Variants in LPIN2 observed in about 807,000 individuals in gnomAD.
LPIN2 encodes the protein lipin 2.
LPIN2 carries 55 observed loss-of-function variants against 111.4 expected under a neutral mutation model. The ratio of observed to expected loss-of-function variants is 0.49; its 90% CI spans 0.40 to 0.62. The LOEUF (loss-of-function observed/expected upper bound fraction) is 0.62, where lower values mean the gene tolerates loss of function less well. LPIN2 is among the 20% of genes least tolerant of loss of function. The pLI is 0.00. For synonymous variants in LPIN2, 425 were observed against 414.0 expected (o/e 1.03, Z -0.32); for missense variants, 992 against 1,112.1 (o/e 0.89, Z 1.54).
chr18:2,947,003 C>T (rs1371943240), intron 4 of LPIN2: 1 of 201,766 alleles, frequency 5.0e-6, no homozygotes, highest in East Asian at 1.4e-4. Flanking sequence ...AGTGTCTACA[C>T]TCACCCCAGA....
At chr18:2,994,120 C>T (rs961385664) in intron 1 of LPIN2, among the ~76,000 whole-genome samples, 3 of 152,194 alleles carry the variant, frequency 2.0e-5, no homozygotes, top group Non-Finnish European at 4.4e-5. Flanking sequence ...CATAAATGTA[C>T]GCCTATCATT....
rs2078161892 is a variant in LPIN2 at position 2,984,667 on chromosome 18, A to ACCTC, written c.-9-23819_-9-23818insGAGG. On this transcript the variant is annotated intron_variant, in intron 1 of 19. Coordinates refer to ENST00000677752, the MANE Select transcript of LPIN2 (RefSeq NM_001375808.2). ...TTCAACTGGATAGCAGGAGAAGGGGAAAACTGTAAGGAGGGTGGAAAGAAG... is the reference window on the plus strand; with the variant it reads ...TTCAACTGGATAGCAGGAGAAGGGGACCTCAAACTGTAAGGAGGGTGGAAAGAAG... 2.0e-5 allele frequency among the ~76,000 whole-genome samples: 3 copies of ACCTC among 152,136 alleles called. No individual in the cohort carries two copies. The East Asian group carries it at 5.8e-4, about 29-fold the overall frequency.
chr18:2,975,666 C>A (rs1044566000), intron 1 of LPIN2, among the ~76,000 whole-genome samples: 74 of 152,240 alleles, frequency 4.9e-4, no homozygotes, highest in African/African-American at 1.8e-3. Flanking sequence ...ACGTTATGAA[C>A]ATAAAAGTGT....
At chr18:2,955,437 A>G (rs1376751165) in intron 2 of LPIN2, among the ~76,000 whole-genome samples, 1 of 152,040 alleles carries the variant, frequency 6.6e-6, no homozygotes, top group Non-Finnish European at 1.5e-5. Flanking sequence ...GGATCTTGTC[A>G]ACTCAGCAAA....
chr18:2,965,022 C>T (rs540323783), intron 1 of LPIN2, among the ~76,000 whole-genome samples: 2 of 152,110 alleles, frequency 1.3e-5, no homozygotes, highest in Non-Finnish European at 2.9e-5. Context: ...GGCCTGACTG[C>T]TACACAGTGT....
chr18:2,979,098 C>G (rs1237804075), intron 1 of LPIN2: 4 of 152,462 alleles, frequency 2.6e-5, no homozygotes, highest in Non-Finnish European at 5.9e-5. Context: ...CTGCCTGGGC[C>G]TCCCAAAGTG....
At chr18:2,993,143 G>A (rs62077514) in intron 1 of LPIN2, among the ~76,000 whole-genome samples, 17,631 of 148,234 alleles carry the variant, frequency 0.12, 1,217 homozygotes, top group South Asian at 0.17. Flanking sequence ...AGACCCTGAC[G>A]GAGGAAGAAA....
chr18:2,926,785 T>C lies in LPIN2; in HGVS notation c.1731A>G (p.Gly577=). The change falls in exon 13 of 20, where the codon GGA becomes GGG. Residue 577 remains glycine (G), a synonymous_variant. Transcript: ENST00000677752. ...CACTGGCTGGCGGTGCCTCAGATTT[T>C]CCCTCCTTGGATTCTGGCAGCTGTA... ...MTKQLPESKE[G]KSEAPPASDL... 1 of 1,613,812 alleles carries C rather than the reference T, an allele frequency of 6.2e-7. No individual in the cohort carries two copies. The highest frequency in any genetic ancestry group is 1.1e-5 in the South Asian group (1 of 91,070).
At chr18:3,000,095 G>A (rs1362885968) in intron 1 of LPIN2, among the ~76,000 whole-genome samples, 4 of 135,510 alleles carry the variant, frequency 3.0e-5, no homozygotes, top group Non-Finnish European at 6.3e-5. Context: ...GAGGAAGAGG[G>A]GAAAGAGGGG....
intron 9 of LPIN2, 24 bp from the exon 10 acceptor site, chr18:2,929,182 T>A: frequency 7.1e-7 from 1 of 1,415,340 alleles, no homozygotes. Flanking sequence ...TAATAATCAA[T>A]TTGGTTAGAG....
chr18:2,923,874 T>G lies in LPIN2; in HGVS notation c.2088-13A>C, dbSNP rs377211849. The G allele has an allele frequency of 3.1e-6, 5 of 1,610,168 alleles. No individual in the cohort carries two copies. The highest frequency in any genetic ancestry group is 4.3e-6 in the Non-Finnish European group (5 of 1,176,448). ...CAAAGCATCCGACCTAAGAAGACGGTAGAAACAGGAAAAGCTATCAGGAAT... is the reference window on the plus strand; with the variant it reads ...CAAAGCATCCGACCTAAGAAGACGGGAGAAACAGGAAAAGCTATCAGGAAT... On this transcript the variant is annotated splice_polypyrimidine_tract_variant and intron_variant, in intron 15 of 19. Coordinates refer to ENST00000677752, the MANE Select transcript of LPIN2 (RefSeq NM_001375808.2).
At chr18:2,961,760 C>T (rs1275670600) in intron 1 of LPIN2, among the ~76,000 whole-genome samples, 1 of 152,126 alleles carries the variant, frequency 6.6e-6, no homozygotes, top group African/African-American at 2.4e-5. Flanking sequence ...TCATTAGATG[C>T]TGACACCCCT....
In LPIN2 at chr18:2,988,012, C is replaced by CAAAAAAAA. The variant is rs761121515; in HGVS notation, c.-10+25067_-10+25074dup. The stretch of plus-strand genomic sequence containing the variant: ...TGGGCGACAGAGTGAGAGACTGTCT[C>CAAAAAAAA]AAAAAAAAAAAAAAAAAAAAAAAAA... On this transcript the variant is annotated intron_variant, in intron 1 of 19. Transcript: ENST00000677752. Among the ~76,000 whole-genome samples the CAAAAAAAA allele has an allele frequency of 2.4e-3, 79 of 32,338 alleles. 2 individuals are homozygous for CAAAAAAAA. Among genetic ancestry groups the CAAAAAAAA allele is most frequent in the Non-Finnish European group, 3.8e-3 (60 of 15,602 alleles). 21.2% of individuals were successfully genotyped at this position (32,338 alleles called of 152,430 possible).
intron 1 of LPIN2, among the ~76,000 whole-genome samples, chr18:3,010,999 C>T (rs28417148): frequency 0.015 from 2,350 of 152,266 alleles, 60 homozygotes; most frequent in African/African-American, 0.054. Context: ...GGACAAACTG[C>T]CTGCTGCGTC....
chr18:2,994,301 AG>A (rs1188963606), intron 1 of LPIN2, among the ~76,000 whole-genome samples: 1 of 152,206 alleles, frequency 6.6e-6, no homozygotes, highest in Non-Finnish European at 1.5e-5. Context: ...ATTTAGCTAA[AG>A]GAACAGGTGG....
chr18:2,960,174 ATGTGTGTGTGTG>A (rs59457524), intron 2 of LPIN2, among the ~76,000 whole-genome samples: 2,556 of 136,610 alleles, frequency 0.019, 67 homozygotes, highest in African/African-American at 0.064. Context: ...CGACTCAAAA[ATGTGTGTGTGTG>A]TGTGTGTGTG....
chr18:2,921,324 C>T (rs866036008), intron 18 of LPIN2: 9 of 613,862 alleles, frequency 1.5e-5, no homozygotes, highest in Middle Eastern at 3.4e-4. Flanking sequence ...AAGCGTCCTT[C>T]GTATAAATTC....
At chr18:2,994,302 G>C (rs538868588) in intron 1 of LPIN2, among the ~76,000 whole-genome samples, 63 of 152,308 alleles carry the variant, frequency 4.1e-4, no homozygotes, top group African/African-American at 1.4e-3. Flanking sequence ...TTTAGCTAAA[G>C]GAACAGGTGG....
chr18:2,976,556 C>A (rs1399138379), intron 1 of LPIN2, among the ~76,000 whole-genome samples: 1 of 152,194 alleles, frequency 6.6e-6, no homozygotes, highest in East Asian at 1.9e-4. Context: ...CATTTGTCTG[C>A]GTGGATTGTT....
Sources: gnomAD v4.1 joint callset for allele counts (sites outside exome capture counted in the v4.1 genomes callset) on GRCh38, gnomAD v4.1.1 for gene constraint, MANE v1.5 for transcripts, NCBI Gene and HGNC (gene_info 2026-07-23, HGNC 2026-07-21) for gene names.